Variants in BMP1 observed in about 807,000 individuals in gnomAD.
BMP1 encodes bone morphogenetic protein 1.
A neutral mutation model predicts 116.8 loss-of-function variants in BMP1; 63 were observed. The ratio of observed to expected loss-of-function variants is 0.54; its 90% CI spans 0.44 to 0.67. BMP1 has a LOEUF of 0.67. Ranked by LOEUF, BMP1 falls within the 30% of genes least tolerant of loss-of-function variation. The pLI, the probability that BMP1 is intolerant of heterozygous loss-of-function variation, is 0.00. For synonymous variants in BMP1, 536 were observed against 533.4 expected, an observed-to-expected ratio of 1.00 and a Z score of -0.07; for missense variants, 1,183 against 1,358.9, an observed-to-expected ratio of 0.87 and a Z score of 2.04.
At chr8:22,165,682 C>G in intron 1 of BMP1, 129 bp downstream of exon 1, 3 of 780,990 alleles carry the variant, frequency 3.8e-6, no homozygotes, top group South Asian at 3.5e-5. Context: ...CAGTGGGGAA[C>G]AAAAGAACGA....
chr8:22,193,404 T>C (rs1320287390), intron 9 of BMP1, among the ~76,000 whole-genome samples: 1 of 152,222 alleles, frequency 6.6e-6, no homozygotes, highest in Non-Finnish European at 1.5e-5. Flanking sequence ...CTTCTTTGCA[T>C]AGAGACCAAA....
rs1178694729 is a variant in BMP1 at position 22,176,590 on chromosome 8, T to C, written c.491T>C (p.Val164Ala). Reference sequence around the variant, plus strand: ...AGGCACTGGGAGAAGCACACCTGTGTCACCTTCCTGGAGCGCACTGACGAG... The same window carrying C: ...AGGCACTGGGAGAAGCACACCTGTGCCACCTTCCTGGAGCGCACTGACGAG... Reference protein sequence around the residue: ...AMRHWEKHTCVTFLERTDEDS... With the variant: ...AMRHWEKHTCATFLERTDEDS... The change falls in exon 4 of 20, where the codon GTC (valine) becomes GCC (alanine). Residue 164 changes from valine (V) to alanine (A), a missense_variant. This residue lies in a region of BMP1 where 2 missense variants were observed against 17.3 expected (regional missense o/e 0.12). Transcript: ENST00000306385. The C allele has an allele frequency of 6.2e-7, 1 of 1,614,190 alleles. No individual in the cohort carries two copies. Among genetic ancestry groups the C allele is most frequent in the Non-Finnish European group, 8.5e-7 (1 of 1,180,010 alleles).
At chr8:22,186,699 T>C (rs146992737) in intron 8 of BMP1, among the ~76,000 whole-genome samples, 162 of 151,972 alleles carry the variant, frequency 1.1e-3, no homozygotes, top group African/African-American at 3.0e-3. Flanking sequence ...ACTCCTGACC[T>C]CAGGTGATCC....
intron 1 of BMP1, among the ~76,000 whole-genome samples, chr8:22,172,982 C>A (rs1338400528): frequency 1.3e-5 from 2 of 152,162 alleles, no homozygotes; most frequent in Non-Finnish European, 2.9e-5. Context: ...CCACCACATG[C>A]TCAGCACACC....
chr8:22,168,217 G>C (rs540776000), intron 1 of BMP1, among the ~76,000 whole-genome samples: 6 of 152,126 alleles, frequency 3.9e-5, no homozygotes, highest in Admixed American at 2.0e-4. Context: ...AGGCAGGCTG[G>C]TCTGTTTGTG....
rs1275909254 is a variant in BMP1 at position 22,194,431 on chromosome 8, C to T, written c.1298-14C>T. On this transcript the variant is annotated splice_polypyrimidine_tract_variant and intron_variant, in intron 10 of 19. Coordinates refer to ENST00000306385, the MANE Select transcript of BMP1 (RefSeq NM_006129.5). This position sits in a 1 kb window ranked among gnomAD's most constrained non-coding sequence, Gnocchi z 4.5. The stretch of plus-strand genomic sequence containing the variant: ...ACTCACCACCCCTTCCCACCCCATC[C>T]TGTGTCCCCACAGCCATCTGCGGGG... 2 of 1,613,906 alleles carry T rather than the reference C, an allele frequency of 1.2e-6. No individual in the cohort carries two copies. The highest frequency in any genetic ancestry group is 2.2e-5 in the South Asian group (2 of 91,044).
intron 2 of BMP1, among the ~76,000 whole-genome samples, chr8:22,174,500 T>C (rs1206904788): frequency 6.6e-6 from 1 of 152,126 alleles, no homozygotes; most frequent in Non-Finnish European, 1.5e-5. Context: ...AGTCCCTTAC[T>C]GCTCTGTAGA....
intron 8 of BMP1, among the ~76,000 whole-genome samples, chr8:22,185,043 G>A (rs1393244978): frequency 6.6e-6 from 1 of 151,920 alleles, no homozygotes; most frequent in Non-Finnish European, 1.5e-5. Flanking sequence ...CACCTGGAAA[G>A]CCTTCTTTTT....
At position 22,172,765 on chromosome 8, in the gene BMP1, C is replaced by T. The variant is rs551736736; in HGVS notation, c.149-837C>T. 3.3e-5 allele frequency among the ~76,000 whole-genome samples: 5 copies of T among 151,874 alleles called. No individual in the cohort carries two copies. The East Asian group carries it at 5.8e-4, about 18-fold the overall frequency. On this transcript the variant is annotated intron_variant, in intron 1 of 19. Coordinates refer to ENST00000306385, the MANE Select transcript of BMP1 (RefSeq NM_006129.5). ...GTGAGTAGCTGGAACTACAGGCATG[C>T]ATCACCATGTCTGGCTAATTTTTGT...
intron 13 of BMP1, 108 bp downstream of exon 13, chr8:22,195,695 G>C: frequency 6.8e-7 from 1 of 1,464,908 alleles, no homozygotes; most frequent in Non-Finnish European, 9.1e-7. Flanking sequence ...ACCCAGGCTG[G>C]AAGTACAGTG....
Position 22,177,898 on chromosome 8 carries a change from C to A in BMP1, c.777C>A (p.Ser259=), listed in dbSNP as rs756682570. 6.2e-7 allele frequency: 1 copy of A among 1,613,664 alleles called. No individual in the cohort carries two copies. Among genetic ancestry groups the A allele is most frequent in the African/African-American group, 1.3e-5 (1 of 74,910 alleles). The change falls in exon 6 of 20, where the codon TCC becomes TCA. Residue 259 remains serine, a synonymous_variant. Transcript: ENST00000306385. ...FLKMEPQEVE[S]LGETYDFDSI... ...AGATGGAGCCTCAGGAGGTGGAGTC[C>A]CTGGGGGAGACCTATGACTTCGACA...
chr8:22,192,215 C>A, intron 9 of BMP1, 64 bp downstream of exon 9: 1 of 1,408,872 alleles, frequency 7.1e-7, no homozygotes, highest in Non-Finnish European at 1.0e-6. Context: ...ACCCTCATCA[C>A]ACTCTTCATC....
At chr8:22,176,726 C>A in intron 4 of BMP1, 76 bp downstream of exon 4, 2 of 1,492,000 alleles carry the variant, frequency 1.3e-6, no homozygotes, top group Non-Finnish European at 1.9e-6. Context: ...CTGCCACTGC[C>A]CCCAGCTGGG....
intron 1 of BMP1, among the ~76,000 whole-genome samples, chr8:22,172,867 T>C (rs1407504544): frequency 6.6e-6 from 1 of 152,110 alleles, no homozygotes; most frequent in Admixed American, 6.5e-5. Context: ...TCCACCCACC[T>C]CGACCTCCCA....
At position 22,207,310 on chromosome 8, in the gene BMP1, T is replaced by C. The variant is rs745637021; in HGVS notation, c.2369T>C (p.Met790Thr). 6.2e-6 allele frequency: 10 copies of C among 1,611,772 alleles called. No homozygotes were observed. In the South Asian group the frequency reaches 1.1e-4, roughly 18 times the overall value. ...CCTTCCTCATCCCCCTAGACCTTCA[T>C]GGAGATGGACATCGAGTCCCAGCCT... ...TPGHRVKLTF[M>T]EMDIESQPEC... The change falls in exon 18 of 20, where the codon ATG (methionine) becomes ACG (threonine). Residue 790 changes from methionine to threonine, a missense_variant. Coordinates refer to ENST00000306385, the MANE Select transcript of BMP1 (RefSeq NM_006129.5).
At chr8:22,174,627 CTTTTTTTTT>C (rs57781366) in intron 2 of BMP1, among the ~76,000 whole-genome samples, 57 of 106,272 alleles carry the variant, frequency 5.4e-4, no homozygotes, top group African/African-American at 2.0e-3. Flanking sequence ...TTTTTTCTGT[CTTTTTTTTT>C]TTTTTTTTTT....
intron 5 of BMP1, chr8:22,177,501 G>A (rs1017694086): frequency 8.6e-5 from 61 of 709,090 alleles, no homozygotes; most frequent in Non-Finnish European, 1.1e-4. Flanking sequence ...TCTGCCCTCC[G>A]AGGGCTTTTC....
chr8:22,191,978 A>C, intron 8 of BMP1, 71 bp from the exon 9 acceptor site: 1 of 1,406,698 alleles, frequency 7.1e-7, no homozygotes, highest in Non-Finnish European at 1.0e-6. Flanking sequence ...GGCGGTGGTC[A>C]TCATGGGGCT....
In BMP1 at chr8:22,211,673, T is replaced by TC; in HGVS notation, c.2908dup (p.His970ProfsTer22). 6.2e-7 allele frequency: 1 copy of TC among 1,614,148 alleles called. No homozygotes were observed. The highest frequency in any genetic ancestry group is 8.5e-7 in the Non-Finnish European group (1 of 1,180,018). On this transcript the variant is annotated frameshift_variant, in exon 20 of 20. Transcript: ENST00000306385. LOFTEE classifies it high-confidence loss of function. ...GATGACACCATCACCAAAAAAGGTTTCCACCTGCGATACACCAGCACCAAG... is the reference window on the plus strand; with the variant it reads ...GATGACACCATCACCAAAAAAGGTTTCCCACCTGCGATACACCAGCACCAAG...
Sources: allele counts gnomAD v4.1 joint callset (sites outside exome capture counted in the v4.1 genomes callset), GRCh38; gene constraint gnomAD v4.1.1; regional missense constraint gnomAD v4.1.1; non-coding constraint Gnocchi (gnomAD v3.1); transcripts MANE v1.5; gene names NCBI Gene and HGNC (gene_info 2026-07-23, HGNC 2026-07-21).